TENM4: variants seen among roughly 807,000 people sequenced by gnomAD.
TENM4 encodes teneurin-4.
A neutral mutation model predicts 243.3 loss-of-function variants in TENM4; 82 were observed. That is an observed-to-expected ratio of 0.34 (90% CI 0.28 to 0.40). TENM4 has a LOEUF of 0.40. TENM4 is among the 10% of genes least tolerant of loss of function. The pLI is 1.00. For synonymous variants in TENM4, 1,412 were observed against 1,456.3 expected (o/e 0.97, Z 0.69); for missense variants, 3,138 against 3,673.3 (o/e 0.85, Z 3.77).
chr11:78,951,008 AC>A (rs1174124923), intron 6 of TENM4, among the ~76,000 whole-genome samples: 1 of 152,224 alleles, frequency 6.6e-6, no homozygotes, highest in Non-Finnish European at 1.5e-5. Flanking sequence ...TGATTCCAGC[AC>A]ACCTGCCTGC....
chr11:78,877,941 G>T (rs1221312628), intron 9 of TENM4, among the ~76,000 whole-genome samples: 1 of 152,172 alleles, frequency 6.6e-6, no homozygotes, highest in East Asian at 1.9e-4. Flanking sequence ...TCTGGGAAGA[G>T]TACACTTCTT....
chr11:78,891,443 C>A, intron 7 of TENM4, 107 bp from the exon 8 acceptor site: 4 of 988,632 alleles, frequency 4.0e-6, no homozygotes, highest in South Asian at 1.5e-5. Flanking sequence ...GTGCGTAAGA[C>A]CAGCGGGACA....
chr11:78,880,011 C>A (rs1440946689), intron 9 of TENM4, among the ~76,000 whole-genome samples: 1 of 151,786 alleles, frequency 6.6e-6, no homozygotes, highest in Admixed American at 6.6e-5. Context: ...TGTCGAAAAG[C>A]AAAGGGGGAA....
intron 12 of TENM4, among the ~76,000 whole-genome samples, chr11:78,830,448 TG>T (rs1449718987): frequency 1.3e-5 from 2 of 152,182 alleles, no homozygotes; most frequent in Non-Finnish European, 2.9e-5. Flanking sequence ...AGGCTAGACT[TG>T]CTGGTCTCAA....
chr11:78,909,910 G>A (rs538554288), intron 6 of TENM4, among the ~76,000 whole-genome samples: 10 of 152,142 alleles, frequency 6.6e-5, no homozygotes, highest in Non-Finnish European at 1.3e-4. Context: ...AGGGTGGGGG[G>A]TCACATTAGT....
intron 19 of TENM4, among the ~76,000 whole-genome samples, chr11:78,744,873 T>G (rs1783942): frequency 0.59 from 87,900 of 149,578 alleles, 28,524 homozygotes; most frequent in Non-Finnish European, 0.76. Context: ...TTGATCATTT[T>G]GAATCTCTTA....
At chr11:78,674,240 CT>C (rs1468275607) in intron 30 of TENM4, among the ~76,000 whole-genome samples, 1 of 152,192 alleles carries the variant, frequency 6.6e-6, no homozygotes, top group Non-Finnish European at 1.5e-5. Context: ...TATTTCACCT[CT>C]TTATTAAAAA....
At chr11:78,762,061 A>C (rs1411548926) in intron 18 of TENM4, among the ~76,000 whole-genome samples, 1 of 152,324 alleles carries the variant, frequency 6.6e-6, no homozygotes, top group East Asian at 1.9e-4. Flanking sequence ...GTACCCTGTC[A>C]TCAGAGAATC....
At chr11:78,795,331 G>C (rs927428091) in intron 15 of TENM4, among the ~76,000 whole-genome samples, 1 of 152,112 alleles carries the variant, frequency 6.6e-6, no homozygotes, top group African/African-American at 2.4e-5. Flanking sequence ...GACTGTATCT[G>C]TATTGCCAGA....
intron 10 of TENM4, among the ~76,000 whole-genome samples, chr11:78,862,665 A>G (rs1858852828): frequency 1.3e-5 from 2 of 151,970 alleles, no homozygotes; most frequent in African/African-American, 4.8e-5. Context: ...ACCCCACACA[A>G]AGATGGCCAC....
intron 1 of TENM4, among the ~76,000 whole-genome samples, chr11:79,414,498 T>C (rs1858771505): frequency 6.6e-6 from 1 of 152,150 alleles, no homozygotes; most frequent in African/African-American, 2.4e-5. Flanking sequence ...CTGCCTATGC[T>C]GACAAGTAAA....
chr11:79,381,962 T>A (rs1438426700), intron 1 of TENM4, among the ~76,000 whole-genome samples: 1 of 152,052 alleles, frequency 6.6e-6, no homozygotes, highest in Non-Finnish European at 1.5e-5. Flanking sequence ...AACAAGAGGG[T>A]CCAGGCTTTG....
At chr11:78,960,946 CT>C (rs1182950021) in intron 6 of TENM4, among the ~76,000 whole-genome samples, 1 of 152,196 alleles carries the variant, frequency 6.6e-6, no homozygotes, top group Non-Finnish European at 1.5e-5. Context: ...GTTCCAGGCA[CT>C]GTGATGGGTG....
chr11:79,429,663 T>C (rs1859126394), intron 1 of TENM4, among the ~76,000 whole-genome samples: 1 of 152,210 alleles, frequency 6.6e-6, no homozygotes, highest in Non-Finnish European at 1.5e-5. Flanking sequence ...CCTGTTGGCA[T>C]TTTTTCACTG....
chr11:79,232,482 G>A (rs1290554315), intron 2 of TENM4, among the ~76,000 whole-genome samples: 2 of 152,154 alleles, frequency 1.3e-5, no homozygotes, highest in African/African-American at 4.8e-5. Flanking sequence ...CCATTTCTTT[G>A]ACAGATGATT....
intron 1 of TENM4, among the ~76,000 whole-genome samples, chr11:79,392,211 T>A (rs1038647183): frequency 5.3e-5 from 8 of 152,144 alleles, no homozygotes; most frequent in African/African-American, 1.9e-4. Flanking sequence ...CTGTCTTACA[T>A]CCCAAGATAA....
At chr11:79,045,160 A>C (rs1591237051) in intron 6 of TENM4, among the ~76,000 whole-genome samples, 1 of 152,092 alleles carries the variant, frequency 6.6e-6, no homozygotes, top group Non-Finnish European at 1.5e-5. Context: ...ACATGGCTGG[A>C]GGATATTGCG....
chr11:78,711,518 C>T (rs626550), intron 26 of TENM4, among the ~76,000 whole-genome samples: 71,462 of 152,044 alleles, frequency 0.47, 19,887 homozygotes, highest in Non-Finnish European at 0.63. Flanking sequence ...GCCCTGAAAT[C>T]TGGGATTATT....
chr11:79,279,816 T>C (rs374006177), intron 2 of TENM4, among the ~76,000 whole-genome samples: 11 of 152,216 alleles, frequency 7.2e-5, no homozygotes, highest in African/African-American at 2.7e-4. Flanking sequence ...GGTTTGAATG[T>C]GTCCTCTCCA....
Sources: allele counts gnomAD v4.1 joint callset (sites outside exome capture counted in the v4.1 genomes callset), GRCh38; gene constraint gnomAD v4.1.1; transcripts MANE v1.5; gene names NCBI Gene and HGNC (gene_info 2026-07-23, HGNC 2026-07-21).